The following DIP2C variants were observed in gnomAD, a reference collection of about 807,000 sequenced individuals.
DIP2C encodes the protein disco-interacting protein 2 homolog C.
Under a neutral mutation model 192.4 loss-of-function variants are expected in DIP2C, and 33 were observed. That is an observed-to-expected ratio of 0.17 (90% CI 0.13 to 0.23). DIP2C has a LOEUF of 0.23. Among genes scored for constraint, DIP2C ranks in the 10% least tolerant of loss-of-function variants. The pLI, the probability that DIP2C is intolerant of heterozygous loss-of-function variation, is 1.00. For missense variants in DIP2C, 1,537 were observed against 2,110.1 expected, an observed-to-expected ratio of 0.73 and a Z score of 5.32; for synonymous variants, 979 against 864.1, an observed-to-expected ratio of 1.13 and a Z score of -2.33.
intron 1 of DIP2C, among the ~76,000 whole-genome samples, chr10:681,264 G>T (rs1049984010): frequency 6.7e-6 from 1 of 150,176 alleles, no homozygotes; most frequent in Non-Finnish European, 1.5e-5. Flanking sequence ...ACATGGTGCA[G>T]CCACCACCTA....
intron 1 of DIP2C, among the ~76,000 whole-genome samples, chr10:640,629 G>A (rs1422573826): frequency 1.3e-5 from 2 of 151,852 alleles, no homozygotes; most frequent in East Asian, 1.9e-4. Context: ...AAGAAGCTGC[G>A]CGCGGGGATG....
At chr10:566,703 A>G (rs1157098488) in intron 1 of DIP2C, among the ~76,000 whole-genome samples, 1 of 152,234 alleles carries the variant, frequency 6.6e-6, no homozygotes, top group Non-Finnish European at 1.5e-5. Context: ...GTTCTCAAAG[A>G]CAACAACGGT....
Position 481,221 on chromosome 10 carries a change from G to GGCCA in DIP2C, c.157+5234_157+5237dup, listed in dbSNP as rs748248677. ...CGGCCAGCCCAGGTGAACAGGCCAG[G>GGCCA]GCCAGCCAGCCACGTCTTCTAAAGA... On this transcript the variant is annotated intron_variant, in intron 2 of 36. Coordinates refer to ENST00000280886, the MANE Select transcript of DIP2C (RefSeq NM_014974.3). Among the ~76,000 whole-genome samples, 101 of 152,328 alleles carry GGCCA rather than the reference G, an allele frequency of 6.6e-4. No homozygotes were observed. The Middle Eastern group carries it at 0.01, about 15-fold the overall frequency.
intron 1 of DIP2C, among the ~76,000 whole-genome samples, chr10:634,505 TACTAC>T (rs1382788768): frequency 6.6e-6 from 1 of 152,196 alleles, no homozygotes; most frequent in Non-Finnish European, 1.5e-5. Context: ...ATGATGTCAG[TACTAC>T]ACTGAAATTA....
At chr10:328,049 G>GGC (rs1278400518) in intron 30 of DIP2C, among the ~76,000 whole-genome samples, 3 of 152,172 alleles carry the variant, frequency 2.0e-5, no homozygotes, top group Non-Finnish European at 4.4e-5. Flanking sequence ...CTGCTAAGGG[G>GGC]GCGGCCACCA....
chr10:436,107 A>G (rs914645865), intron 4 of DIP2C, among the ~76,000 whole-genome samples: 2 of 152,216 alleles, frequency 1.3e-5, no homozygotes, highest in African/African-American at 4.8e-5. Context: ...CAGCGAATTC[A>G]GTTCAGACCG....
rs1408752389 is a variant in DIP2C at position 370,098 on chromosome 10, C to T, written c.1992-465G>A. 4.2e-6 allele frequency: 4 copies of T among 962,618 alleles called. No individual in the cohort carries two copies. The East Asian group carries it at 4.6e-4, about 111-fold the overall frequency. 59.6% of individuals were successfully genotyped at this position (962,618 alleles called of 1,614,324 possible). A position where few individuals can be genotyped will look rare whatever the true frequency, so the allele number is the denominator to read the frequency against. On this transcript the variant is annotated intron_variant, in intron 17 of 36. Coordinates refer to ENST00000280886, the MANE Select transcript of DIP2C (RefSeq NM_014974.3). ...AGCAATGATGGAAATCCTGACTGTC[C>T]AGCCTCAATTCAGATGCAGACTGCC...
At position 453,271 on chromosome 10, in the gene DIP2C, T is replaced by TGA; in HGVS notation, c.269-12277_269-12276dup. ...ATACAGTTTTACCCGGCCACATGAA[T>TGA]GAGACACCAGATGAGAGGCCGTGGA... On this transcript the variant is annotated intron_variant, in intron 3 of 36. Coordinates refer to ENST00000280886, the MANE Select transcript of DIP2C (RefSeq NM_014974.3). Among the ~76,000 whole-genome samples, 4 of 152,138 alleles carry TGA rather than the reference T, an allele frequency of 2.6e-5. No homozygotes were observed. In the South Asian group the frequency reaches 8.3e-4, roughly 32 times the overall value.
chr10:537,705 A>G (rs1052517296), intron 1 of DIP2C, among the ~76,000 whole-genome samples: 7 of 151,716 alleles, frequency 4.6e-5, no homozygotes, highest in African/African-American at 1.7e-4. Flanking sequence ...TGGTAAGTCA[A>G]CTCTAGGTGG....
In DIP2C at chr10:359,087, GAC is replaced by G. The variant is rs953300274; in HGVS notation, c.2795-1152_2795-1151del. The stretch of plus-strand genomic sequence containing the variant: ...GTTGCTCATAGCCGTGTCAAAAACA[GAC>G]ACACGTGCCCAGATGCAGCTGACGG... On this transcript the variant is annotated intron_variant, in intron 22 of 36. Coordinates refer to ENST00000280886, the MANE Select transcript of DIP2C (RefSeq NM_014974.3). Among the ~76,000 whole-genome samples the G allele has an allele frequency of 4.3e-4, 65 of 152,258 alleles. 1 individual carries two copies. The highest frequency in any genetic ancestry group is 1.5e-3 in the African/African-American group (63 of 41,548).
intron 1 of DIP2C, among the ~76,000 whole-genome samples, chr10:517,266 C>A (rs1336730011): frequency 6.6e-6 from 1 of 152,190 alleles, no homozygotes; most frequent in African/African-American, 2.4e-5. Context: ...CATGAATTTA[C>A]TTACTGCCCA....
At chr10:685,139 A>C in intron 1 of DIP2C, among the ~76,000 whole-genome samples, 2 of 35,886 alleles carry the variant, frequency 5.6e-5, no homozygotes, top group Admixed American at 4.2e-4. Context: ...GGTCCCCAAA[A>C]AAAAAAAAAA....
rs1458900485 is a variant in DIP2C at position 418,011 on chromosome 10, C to T, written c.739+1054G>A. 4.8e-4 allele frequency among the ~76,000 whole-genome samples: 41 copies of T among 85,316 alleles called. 2 individuals are homozygous for T. The highest frequency in any genetic ancestry group is 2.6e-3 in the South Asian group (5 of 1,914). The allele number at this position is 85,316 out of a possible 152,430, so 56.0% of individuals were successfully genotyped here. On this transcript the variant is annotated intron_variant, in intron 6 of 36. Transcript: ENST00000280886. Reference sequence around the variant, plus strand: ...CCCTGTCCACCTGCACCTGTCAGGGCGCGGACAGGCCTCCCTGTCCACCTG... The same window carrying T: ...CCCTGTCCACCTGCACCTGTCAGGGTGCGGACAGGCCTCCCTGTCCACCTG...
Position 308,071 on chromosome 10 carries a change from C to T in DIP2C, c.3986+1960G>A, listed in dbSNP as rs540948431. 1.1e-3 allele frequency among the ~76,000 whole-genome samples: 163 copies of T among 150,980 alleles called. 1 individual carries two copies. Among genetic ancestry groups the T allele is most frequent in the African/African-American group, 3.7e-3 (150 of 41,014 alleles). ...GGGTGCCTGGGCGGGGCCCAGCACA[C>T]GGTCCATCTGGAGGGCAGCAGGGAG... On this transcript the variant is annotated intron_variant, in intron 32 of 36. Transcript: ENST00000280886.
Position 345,013 on chromosome 10 carries a change from A to G in DIP2C, c.3329T>C (p.Leu1110Pro), listed in dbSNP as rs779686826. 5 of 1,612,692 alleles carry G rather than the reference A, an allele frequency of 3.1e-6. No individual in the cohort carries two copies. The South Asian group carries it at 5.5e-5, about 18-fold the overall frequency. The change falls in exon 27 of 37, where the codon CTC (leucine) becomes CCC (proline). Residue 1110 changes from leucine (L) to proline (P), a missense_variant. Leu to Pro is a moderately conservative substitution (Grantham distance 98). This residue lies in a region of DIP2C where 677 missense variants were observed against 989.9 expected (regional missense o/e 0.68). Transcript: ENST00000280886. ...AAAVDVRTWP[L>P]ILDTDDLPKK... Reference sequence around the variant, plus strand: ...AAAGCACCAACCTGTGTCCAGGATGAGGGGCCACGTCCTGACGTCCACAGC... The same window carrying G: ...AAAGCACCAACCTGTGTCCAGGATGGGGGGCCACGTCCTGACGTCCACAGC...
chr10:388,748 AAAAAG>A (rs1963191960), intron 13 of DIP2C, among the ~76,000 whole-genome samples: 1 of 152,228 alleles, frequency 6.6e-6, no homozygotes, highest in African/African-American at 2.4e-5. Flanking sequence ...AAAATAGTAG[AAAAAG>A]AAAAGTGTTT....
rs542786504 is a variant in DIP2C at position 429,212 on chromosome 10, C to T, written c.395-6179G>A. 1.1e-4 allele frequency among the ~76,000 whole-genome samples: 14 copies of T among 121,790 alleles called. 1 individual carries two copies. Among genetic ancestry groups the T allele is most frequent in the African/African-American group, 1.9e-4 (5 of 26,954 alleles). 79.9% of individuals were successfully genotyped at this position (121,790 alleles called of 152,430 possible). ...TTGCCTATTCATCCCTGCCTCCCCC[C>T]GGACCCTGGCTGCCTCCCCCCCGGA... On this transcript the variant is annotated intron_variant, in intron 4 of 36. Coordinates refer to ENST00000280886, the MANE Select transcript of DIP2C (RefSeq NM_014974.3).
At chr10:554,546 G>C (rs1243205106) in intron 1 of DIP2C, among the ~76,000 whole-genome samples, 1 of 152,206 alleles carries the variant, frequency 6.6e-6, no homozygotes, top group East Asian at 1.9e-4. Flanking sequence ...GCTGTGAATG[G>C]TGCGAGGAAG....
chr10:680,374 C>T (rs953212968), intron 1 of DIP2C, among the ~76,000 whole-genome samples: 18 of 152,236 alleles, frequency 1.2e-4, no homozygotes, highest in Admixed American at 3.9e-4. Context: ...CCTCTCCCAA[C>T]AATGGCAGGC....
Sources: gnomAD v4.1 joint callset for allele counts (sites outside exome capture counted in the v4.1 genomes callset) on GRCh38, gnomAD v4.1.1 for gene constraint, gnomAD v4.1.1 regional missense constraint, MANE v1.5 for transcripts, NCBI Gene and HGNC (gene_info 2026-07-23, HGNC 2026-07-21) for gene names.